PACRG: variants seen among roughly 807,000 people sequenced by gnomAD.
PACRG encodes the protein parkin coregulated gene protein.
A neutral mutation model predicts 29.7 loss-of-function variants in PACRG; 29 were observed. The observed-to-expected ratio is 0.98, with a 90% CI of 0.73 to 1.33. PACRG has a LOEUF of 1.33. Among genes scored for constraint, PACRG ranks in the 40% most tolerant of loss-of-function variants. PACRG has a pLI of 0.00. For synonymous variants in PACRG, 116 were observed against 118.7 expected, an observed-to-expected ratio of 0.98 and a Z score of 0.15; for missense variants, 279 against 316.2, an observed-to-expected ratio of 0.88 and a Z score of 0.89.
intron 2 of PACRG, among the ~76,000 whole-genome samples, chr6:162,947,362 G>GCTCA (rs1562765827): frequency 1.8e-5 from 1 of 54,908 alleles, no homozygotes; most frequent in African/African-American, 7.2e-5. Context: ...TATATATAAT[G>GCTCA]TAATCATATA....
At chr6:163,033,156 A>G (rs773886773) in intron 2 of PACRG, among the ~76,000 whole-genome samples, 15 of 152,230 alleles carry the variant, frequency 9.9e-5, no homozygotes, top group Non-Finnish European at 2.1e-4. Flanking sequence ...CACCTTGTGT[A>G]TAGAACTGTG....
intron 2 of PACRG, among the ~76,000 whole-genome samples, chr6:162,879,827 T>C (rs1002270876): frequency 3.3e-5 from 5 of 152,166 alleles, no homozygotes; most frequent in African/African-American, 1.2e-4. Flanking sequence ...GCAGGGAACG[T>C]GAGGGAGTTA....
rs1443102725 is a variant in PACRG, at chr6:163,269,996, AAAGAAAGAAAGG to A, written c.614-44829_614-44818del. Among the ~76,000 whole-genome samples, 282 of 113,666 alleles carry A rather than the reference AAAGAAAGAAAGG, an allele frequency of 2.5e-3. 50 individuals are homozygous for A. The highest frequency in any genetic ancestry group is 8.6e-3 in the African/African-American group (262 of 30,362). 74.6% of individuals were successfully genotyped at this position (113,666 alleles called of 152,430 possible). A position where few individuals can be genotyped will look rare whatever the true frequency, so the allele number is the denominator to read the frequency against. ...GAAAGAAAGAAAGAAAGAAAGAAAG[AAAGAAAGAAAGG>A]AGGGAGGGAGGGAGGGAGGAAGGAA... is the stretch of plus-strand genomic sequence containing the variant. On this transcript the variant is annotated intron_variant, in intron 4 of 4. Coordinates refer to ENST00000366888, the MANE Select transcript of PACRG (RefSeq NM_001080379.2).
intron 2 of PACRG, among the ~76,000 whole-genome samples, chr6:162,848,182 G>A (rs1276827997): frequency 2.0e-5 from 3 of 152,188 alleles, no homozygotes; most frequent in Non-Finnish European, 4.4e-5. Context: ...AGGGGCCTCT[G>A]GATTTGGCAA....
At chr6:162,864,377 T>C (rs1180725278) in intron 2 of PACRG, among the ~76,000 whole-genome samples, 1 of 152,140 alleles carries the variant, frequency 6.6e-6, no homozygotes, top group Non-Finnish European at 1.5e-5. Context: ...TACTTATTCA[T>C]TCCATACCTG....
intron 2 of PACRG, among the ~76,000 whole-genome samples, chr6:162,970,920 A>C (rs966968693): frequency 1.3e-5 from 2 of 152,224 alleles, no homozygotes; most frequent in Non-Finnish European, 2.9e-5. Context: ...CAATTGTTTC[A>C]GTGGCCATGG....
intron 1 of PACRG, among the ~76,000 whole-genome samples, chr6:162,803,489 A>T (rs1288281086): frequency 6.6e-6 from 1 of 152,206 alleles, no homozygotes; most frequent in South Asian, 2.1e-4. Context: ...ACACAGAGGA[A>T]TCAACTAGAA....
intron 2 of PACRG, among the ~76,000 whole-genome samples, chr6:162,941,048 ATGTGTGTG>A (rs370462604): frequency 1.2e-5 from 1 of 81,856 alleles, no homozygotes; most frequent in African/African-American, 3.2e-5. Context: ...GTGTTTGTGC[ATGTGTGTG>A]TGTGTGTGTG....
intron 1 of PACRG, among the ~76,000 whole-genome samples, chr6:162,779,012 T>G (rs982664232): frequency 6.6e-6 from 1 of 152,212 alleles, no homozygotes; most frequent in African/African-American, 2.4e-5. Flanking sequence ...TTAGCGGTTC[T>G]TCCTGATGCG....
At chr6:162,868,483 G>A (rs1426704694) in intron 2 of PACRG, among the ~76,000 whole-genome samples, 2 of 152,222 alleles carry the variant, frequency 1.3e-5, no homozygotes, top group Non-Finnish European at 2.9e-5. Context: ...GGTGAGATGC[G>A]CGGTCCACAG....
intron 2 of PACRG, among the ~76,000 whole-genome samples, chr6:162,825,716 T>G (rs955593002): frequency 6.6e-6 from 1 of 152,158 alleles, no homozygotes; most frequent in Admixed American, 6.5e-5. Context: ...GAATCTGCCT[T>G]CTGTGGGAGG....
At chr6:162,893,714 G>A (rs1794959110) in intron 2 of PACRG, among the ~76,000 whole-genome samples, 1 of 152,174 alleles carries the variant, frequency 6.6e-6, no homozygotes, top group Non-Finnish European at 1.5e-5. Flanking sequence ...GCACTCCGAC[G>A]GCTATGCAGA....
At chr6:163,110,462 A>G (rs1458908802) in intron 4 of PACRG, among the ~76,000 whole-genome samples, 1 of 152,236 alleles carries the variant, frequency 6.6e-6, no homozygotes, top group Non-Finnish European at 1.5e-5. Context: ...ATAGCAGCCA[A>G]CAGTCACTCT....
intron 4 of PACRG, among the ~76,000 whole-genome samples, chr6:163,177,735 T>TTTTTTTTTTTTTTTTTTTG (rs1364759871): frequency 7.0e-6 from 1 of 143,256 alleles, no homozygotes; most frequent in Admixed American, 6.9e-5. Context: ...TTTTTTTTTT[T>TTTTTTTTTTTTTTTTTTTG]TTGCGGGTGG....
chr6:163,029,201 C>T (rs1326607671), intron 2 of PACRG, among the ~76,000 whole-genome samples: 1 of 152,310 alleles, frequency 6.6e-6, no homozygotes, highest in South Asian at 2.1e-4. Flanking sequence ...GACACATTCT[C>T]CCCTAAACCT....
chr6:163,254,768 G>A (rs1164246919), intron 4 of PACRG, among the ~76,000 whole-genome samples: 4 of 152,084 alleles, frequency 2.6e-5, no homozygotes, highest in Non-Finnish European at 4.4e-5. Flanking sequence ...CCCTTCTCTC[G>A]TCCACCCCAT....
intron 4 of PACRG, among the ~76,000 whole-genome samples, chr6:163,121,403 T>C (rs1816260354): frequency 6.6e-6 from 1 of 152,194 alleles, no homozygotes; most frequent in Admixed American, 6.5e-5. Flanking sequence ...TTCTATTCGA[T>C]GGATTATCTG....
chr6:162,989,102 G>A (rs1460555966), intron 2 of PACRG, among the ~76,000 whole-genome samples: 1 of 152,172 alleles, frequency 6.6e-6, no homozygotes, highest in Non-Finnish European at 1.5e-5. Context: ...ATGGCAGTGA[G>A]AATGTAGAGA....
chr6:163,218,205 T>C (rs1196640022), intron 4 of PACRG, among the ~76,000 whole-genome samples: 1 of 152,102 alleles, frequency 6.6e-6, no homozygotes, highest in East Asian at 1.9e-4. Context: ...TCAACTTACC[T>C]CTCTCTGTCC....
Sources: gnomAD v4.1 joint callset for allele counts (sites outside exome capture counted in the v4.1 genomes callset) on GRCh38, gnomAD v4.1.1 for gene constraint, MANE v1.5 for transcripts, NCBI Gene and HGNC (gene_info 2026-07-23, HGNC 2026-07-21) for gene names.